Variants in ADGRL3 observed in about 807,000 individuals in gnomAD.
ADGRL3 encodes calcium-independent alpha-latrotoxin receptor 3.
Under a neutral mutation model 153.5 loss-of-function variants are expected in ADGRL3, and 62 were observed. The observed-to-expected ratio is 0.40, with a 90% CI of 0.33 to 0.50. The LOEUF (loss-of-function observed/expected upper bound fraction) is 0.50. Among genes scored for constraint, ADGRL3 ranks in the 20% least tolerant of loss-of-function variants. ADGRL3 has a pLI of 0.47. For synonymous variants in ADGRL3, 710 were observed against 672.5 expected, an observed-to-expected ratio of 1.06 and a Z score of -0.86; for missense variants, 1,641 against 1,859.4, an observed-to-expected ratio of 0.88 and a Z score of 2.16.
At chr4:61,560,062 C>T (rs927742852) in intron 4 of ADGRL3, among the ~76,000 whole-genome samples, 1 of 152,060 alleles carries the variant, frequency 6.6e-6, no homozygotes, top group Admixed American at 6.6e-5. Context: ...AAAAAGGCTT[C>T]CCTATGCCTT....
In ADGRL3 at chr4:61,200,529, T is replaced by C. The variant is rs1366679696; in HGVS notation, c.-1476T>C. 4.2e-5 allele frequency among the ~76,000 whole-genome samples: 6 copies of C among 144,022 alleles called. No individual in the cohort carries two copies. The highest frequency in any genetic ancestry group is 1.7e-4 in the African/African-American group (6 of 34,694). 94.5% of individuals were successfully genotyped at this position (144,022 alleles called of 152,430 possible). ...CCGCCGCCGCCGCCGCCGCCGCTGCTGCTGGTTTTTCTCGGACTGCTCGTT... is the reference window on the plus strand; with the variant it reads ...CCGCCGCCGCCGCCGCCGCCGCTGCCGCTGGTTTTTCTCGGACTGCTCGTT... On this transcript the variant is annotated 5_prime_UTR_variant, in exon 1 of 27. Coordinates refer to ENST00000683033, the MANE Select transcript of ADGRL3 (RefSeq NM_001387552.1).
chr4:61,338,176 C>T (rs776202539), intron 1 of ADGRL3, among the ~76,000 whole-genome samples: 89 of 151,414 alleles, frequency 5.9e-4, no homozygotes, highest in Non-Finnish European at 1.1e-3. Flanking sequence ...GAGGCTGAGG[C>T]GAGAGGATCG....
intron 13 of ADGRL3, among the ~76,000 whole-genome samples, chr4:61,914,200 A>G (rs2098734853): frequency 6.6e-6 from 1 of 152,110 alleles, no homozygotes; most frequent in South Asian, 2.1e-4. Context: ...TCTCCTGAGC[A>G]ACACAAGAAC....
chr4:61,759,451 C>T (rs559010354), intron 8 of ADGRL3, among the ~76,000 whole-genome samples: 1 of 152,182 alleles, frequency 6.6e-6, no homozygotes, highest in Non-Finnish European at 1.5e-5. Flanking sequence ...CGCTTTCTTC[C>T]AGTTGATCAG....
chr4:61,381,400 T>C (rs1263285846), intron 1 of ADGRL3, among the ~76,000 whole-genome samples: 3 of 151,344 alleles, frequency 2.0e-5, no homozygotes, highest in Non-Finnish European at 2.9e-5. Context: ...AGGTGTTTGG[T>C]TCCTTAGAGA....
intron 18 of ADGRL3, among the ~76,000 whole-genome samples, chr4:61,980,920 A>G (rs958524882): frequency 6.6e-6 from 1 of 152,148 alleles, no homozygotes; most frequent in African/African-American, 2.4e-5. Context: ...TTTGTCAATT[A>G]TGAAGAAAGC....
chr4:61,206,146 C>T (rs986500288), intron 1 of ADGRL3, among the ~76,000 whole-genome samples: 1 of 152,192 alleles, frequency 6.6e-6, no homozygotes, highest in South Asian at 2.1e-4. Context: ...TCATGTCTTC[C>T]TTATGTCTTA....
intron 1 of ADGRL3, among the ~76,000 whole-genome samples, chr4:61,333,255 G>T (rs1306133841): frequency 6.6e-6 from 1 of 152,002 alleles, no homozygotes; most frequent in African/African-American, 2.4e-5. Flanking sequence ...TTATAAAATA[G>T]CTATATTATA....
Position 62,064,571 on chromosome 4 carries a change from C to T in ADGRL3, c.3815-3595C>T, listed in dbSNP as rs146734376. Among the ~76,000 whole-genome samples, 341 of 151,972 alleles carry T rather than the reference C, an allele frequency of 2.2e-3. 4 individuals are homozygous for T. The South Asian group carries it at 0.031, about 14-fold the overall frequency. ...AAGAAAATTCACAATTACAAAGAGA[C>T]TTCCATGATTCTTTCAAGTTGAATG... On this transcript the variant is annotated intron_variant, in intron 25 of 26. Coordinates refer to ENST00000683033, the MANE Select transcript of ADGRL3 (RefSeq NM_001387552.1).
chr4:61,571,389 T>C lies in ADGRL3; in HGVS notation c.260-15838T>C, dbSNP rs1291339488. ...TTAGCTTGGTATGGTGACACCCACCTTTAGTCCCAGCTACTCAGGAGGCTG... is the reference window on the plus strand; with the variant it reads ...TTAGCTTGGTATGGTGACACCCACCCTTAGTCCCAGCTACTCAGGAGGCTG... On this transcript the variant is annotated intron_variant, in intron 4 of 26. Transcript: ENST00000683033. Among the ~76,000 whole-genome samples, 4 of 151,936 alleles carry C rather than the reference T, an allele frequency of 2.6e-5. No individual in the cohort carries two copies. In the Middle Eastern group the frequency reaches 0.01, roughly 388 times the overall value.
At chr4:61,422,483 A>G (rs2097218377) in intron 2 of ADGRL3, among the ~76,000 whole-genome samples, 1 of 152,192 alleles carries the variant, frequency 6.6e-6, no homozygotes, top group Non-Finnish European at 1.5e-5. Flanking sequence ...CAGATATGGA[A>G]AAGTAGAAGA....
chr4:61,462,357 T>C (rs1235055645), intron 2 of ADGRL3, among the ~76,000 whole-genome samples: 3 of 152,158 alleles, frequency 2.0e-5, no homozygotes, highest in Non-Finnish European at 4.4e-5. Flanking sequence ...AGCAGAACTT[T>C]AGGTGAGGGG....
intron 2 of ADGRL3, among the ~76,000 whole-genome samples, chr4:61,435,742 A>G (rs2097436639): frequency 6.6e-6 from 1 of 152,032 alleles, no homozygotes; most frequent in African/African-American, 2.4e-5. Context: ...TCTCCATAAA[A>G]CAGTCAGTGA....
intron 16 of ADGRL3, 132 bp from the exon 17 acceptor site, chr4:61,947,968 T>A (rs1029756174): frequency 3.0e-6 from 2 of 672,580 alleles, no homozygotes. Flanking sequence ...GGCCCACTTA[T>A]GAAACCATTG....
intron 3 of ADGRL3, among the ~76,000 whole-genome samples, chr4:61,509,100 C>G (rs2098448120): frequency 6.6e-6 from 1 of 150,718 alleles, no homozygotes; most frequent in South Asian, 2.1e-4. Flanking sequence ...TTGGGTGAGG[C>G]CACAGAGCCA....
chr4:61,339,928 G>A (rs949845986), intron 1 of ADGRL3, among the ~76,000 whole-genome samples: 1 of 152,134 alleles, frequency 6.6e-6, no homozygotes, highest in African/African-American at 2.4e-5. Context: ...TAACTCTTCA[G>A]GCAGAGAGAA....
In ADGRL3 at chr4:62,070,094, T is replaced by C. The variant is rs1577768775; in HGVS notation, c.3833-15T>C. On this transcript the variant is annotated splice_polypyrimidine_tract_variant and intron_variant, in intron 26 of 26. Transcript: ENST00000683033. ...GTTGGATATAAATGTCATAGTATCT[T>C]GTAATCTTTTTCAGAGGGGCTTCTG... 1.9e-6 allele frequency: 3 copies of C among 1,603,846 alleles called. No homozygotes were observed. Among genetic ancestry groups the C allele is most frequent in the Middle Eastern group, 1.7e-4 (1 of 5,900 alleles).
Position 61,600,349 on chromosome 4 carries a change from T to A in ADGRL3, c.473+12909T>A, listed in dbSNP as rs1350771653. ...AAGAGGAAATGAATTGGAAATGAGA[T>A]ATTCAACAACTGCAGATTTTTTTTA... On this transcript the variant is annotated intron_variant, in intron 5 of 26. Transcript: ENST00000683033. Among the ~76,000 whole-genome samples the A allele has an allele frequency of 3.8e-5, 5 of 132,064 alleles. No homozygotes were observed. In the South Asian group the frequency reaches 1.2e-3, roughly 32 times the overall value. 86.6% of individuals were successfully genotyped at this position (132,064 alleles called of 152,430 possible).
intron 21 of ADGRL3, among the ~76,000 whole-genome samples, chr4:62,025,594 G>T (rs774748500): frequency 2.6e-5 from 4 of 152,036 alleles, no homozygotes; most frequent in Non-Finnish European, 4.4e-5. Flanking sequence ...CAGTTTGGAG[G>T]CCTCGTTGTT....
Sources: allele counts gnomAD v4.1 joint callset (sites outside exome capture counted in the v4.1 genomes callset), GRCh38; gene constraint gnomAD v4.1.1; transcripts MANE v1.5; gene names NCBI Gene and HGNC (gene_info 2026-07-23, HGNC 2026-07-21).